Variants in SEPTIN10 observed in about 807,000 individuals in gnomAD.
SEPTIN10 encodes septin 10, also known as septin-10.
In SEPTIN10, 66 loss-of-function variants were observed where a neutral mutation model predicts 54.8. That is an observed-to-expected ratio of 1.21 (90% CI 0.99 to 1.48). The LOEUF is 1.48. SEPTIN10 is among the 40% of genes most tolerant of loss of function. SEPTIN10 has a pLI of 0.00. For synonymous variants in SEPTIN10, 161 were observed against 181.0 expected (o/e 0.89, Z 0.89); for missense variants, 620 against 545.6 (o/e 1.14, Z -1.36).
In SEPTIN10 at chr2:109,544,053, T is replaced by C. The variant is rs1680537711; in HGVS notation, c.*256A>G. The C allele has an allele frequency of 1.7e-6, 2 of 1,152,054 alleles. No individual in the cohort carries two copies. Among genetic ancestry groups the C allele is most frequent in the East Asian group, 2.6e-5 (1 of 38,956 alleles). The allele number at this position is 1,152,054 out of a possible 1,614,324, so 71.4% of individuals were successfully genotyped here. A position where few individuals can be genotyped will look rare whatever the true frequency, so the allele number is the denominator to read the frequency against. On this transcript the variant is annotated 3_prime_UTR_variant, in exon 11 of 11. Coordinates refer to ENST00000397712, the MANE Select transcript of SEPTIN10 (RefSeq NM_144710.5). ...TCCACTTGTGGGGTCAAGTCAGTGC[T>C]CAAAAAGATTCAGATTTTGAAGCTT...
rs1314242639 is a variant in SEPTIN10, at chr2:109,585,285, G to A, written c.254C>T (p.Thr85Ile). ...GTCTTCAAAATTAGTATTAAACAATGTGTCAATCAGTGTTGATTTTCCAAT... is the reference window on the plus strand; with the variant it reads ...GTCTTCAAAATTAGTATTAAACAATATGTCAATCAGTGTTGATTTTCCAAT... ...TGIGKSTLID[T>I]LFNTNFEDYE... Residue 85 changes from threonine (T) to isoleucine (I), a missense_variant, in exon 4 of 11, where the codon ACA becomes ATA. Physicochemically the swap from Thr to Ile is moderately conservative, Grantham distance 89. Transcript: ENST00000397712. The A allele has an allele frequency of 2.5e-6, 4 of 1,607,568 alleles. No homozygotes were observed. In the Admixed American group the frequency reaches 6.8e-5, roughly 27 times the overall value.
intron 2 of SEPTIN10, among the ~76,000 whole-genome samples, chr2:109,587,828 G>A (rs1012789301): frequency 2.0e-5 from 3 of 151,544 alleles, no homozygotes; most frequent in African/African-American, 7.3e-5. Flanking sequence ...CAGGAGAATC[G>A]CTTGAACCTG....
chr2:109,603,235 ATAT>A (rs1273420393), intron 1 of SEPTIN10, among the ~76,000 whole-genome samples: 22 of 151,810 alleles, frequency 1.4e-4, no homozygotes, highest in South Asian at 6.2e-4. Flanking sequence ...ATCATTATTA[ATAT>A]TATTATTTTT....
Position 109,564,494 on chromosome 2 carries a change from T to C in SEPTIN10, c.900A>G (p.Glu300=). 6.4e-7 allele frequency: 1 copy of C among 1,562,638 alleles called. No individual in the cohort carries two copies. Among genetic ancestry groups the C allele is most frequent in the African/African-American group, 1.3e-5 (1 of 74,168 alleles). ...ENHCDFVKLR[E]MLICTNMEDL... is the part of the protein sequence containing the mutation. ...CCTCCATATTTGTACAAATGAGCATTTCCCGCAGCTTTACAAAGTCACAGT... is the reference window on the plus strand; with the variant it reads ...CCTCCATATTTGTACAAATGAGCATCTCCCGCAGCTTTACAAAGTCACAGT... Residue 300 remains glutamate (E), a synonymous_variant, in exon 8 of 11, where the codon GAA becomes GAG. Coordinates refer to ENST00000397712, the MANE Select transcript of SEPTIN10 (RefSeq NM_144710.5).
At chr2:109,567,712 T>C in intron 6 of SEPTIN10, 103 bp downstream of exon 6, 1 of 1,172,900 alleles carries the variant, frequency 8.5e-7, no homozygotes, top group Non-Finnish European at 1.1e-6. Flanking sequence ...TTTGAAGTCT[T>C]TTTGGAAGAC....
At chr2:109,556,446 T>C (rs1684390294) in intron 8 of SEPTIN10, among the ~76,000 whole-genome samples, 1 of 152,004 alleles carries the variant, frequency 6.6e-6, no homozygotes. Context: ...AAACGCAGAG[T>C]AAGAAATACT....
chr2:109,561,839 T>C (rs1013908921), intron 8 of SEPTIN10, among the ~76,000 whole-genome samples: 1 of 152,168 alleles, frequency 6.6e-6, no homozygotes, highest in South Asian at 2.1e-4. Flanking sequence ...GTGGGTCCTA[T>C]GGACTTTAAT....
intron 1 of SEPTIN10, among the ~76,000 whole-genome samples, chr2:109,598,292 T>C (rs1277939139): frequency 6.6e-6 from 1 of 151,966 alleles, no homozygotes; most frequent in Non-Finnish European, 1.5e-5. Context: ...AGTCTCGAAC[T>C]CCCAACCTCA....
chr2:109,596,996 T>G (rs1219662773), intron 1 of SEPTIN10, among the ~76,000 whole-genome samples: 1 of 152,164 alleles, frequency 6.6e-6, no homozygotes, highest in Non-Finnish European at 1.5e-5. Flanking sequence ...CAAGCTGGAG[T>G]GCAGTGGCAT....
intron 1 of SEPTIN10, among the ~76,000 whole-genome samples, chr2:109,602,075 C>T (rs1266228570): frequency 6.6e-6 from 1 of 152,186 alleles, no homozygotes; most frequent in Non-Finnish European, 1.5e-5. Flanking sequence ...CTAGGAAGCA[C>T]TGAGCTCAGA....
At chr2:109,564,293 A>C (rs1288792500) in intron 8 of SEPTIN10, 73 bp downstream of exon 8, 1 of 1,337,330 alleles carries the variant, frequency 7.5e-7, no homozygotes, top group African/African-American at 1.5e-5. Flanking sequence ...ATGCCCCATC[A>C]TCCTGGATAT....
intron 1 of SEPTIN10, among the ~76,000 whole-genome samples, chr2:109,595,590 G>A (rs1166189136): frequency 6.6e-6 from 1 of 152,112 alleles, no homozygotes; most frequent in East Asian, 1.9e-4. Flanking sequence ...AGTCAAAGAA[G>A]AAAATGACTT....
chr2:109,610,443 G>A (rs1217410472), intron 1 of SEPTIN10, among the ~76,000 whole-genome samples: 2 of 152,170 alleles, frequency 1.3e-5, no homozygotes, highest in African/African-American at 4.8e-5. Flanking sequence ...GGCCGGGCAT[G>A]GTGGCTCACG....
intron 4 of SEPTIN10, among the ~76,000 whole-genome samples, chr2:109,579,240 C>T (rs980858861): frequency 7.2e-5 from 11 of 152,068 alleles, no homozygotes; most frequent in Admixed American, 5.2e-4. Flanking sequence ...AAAGTAAAAC[C>T]AACTCTGAAT....
intron 7 of SEPTIN10, among the ~76,000 whole-genome samples, chr2:109,565,400 C>A (rs1369843086): frequency 6.6e-6 from 1 of 152,146 alleles, no homozygotes; most frequent in East Asian, 1.9e-4. Flanking sequence ...AAATAGCCGG[C>A]AATACTTTGA....
Position 109,545,997 on chromosome 2 carries a change from G to A in SEPTIN10, c.1349+53C>T, listed in dbSNP as rs192314514. On this transcript the variant is annotated intron_variant, in intron 10 of 10. Transcript: ENST00000397712. ...AGAAGCGCTAGGAAGATCCGACAGG[G>A]CAATGTGACAAGTGTGGGCAGGGCT... The A allele has an allele frequency of 5.3e-5, 80 of 1,518,182 alleles. No individual in the cohort carries two copies. In the African/African-American group the frequency reaches 1.0e-3, roughly 19 times the overall value. 94.0% of individuals were successfully genotyped at this position (1,518,182 alleles called of 1,614,324 possible). A position where few individuals can be genotyped will look rare whatever the true frequency, so the allele number is the denominator to read the frequency against.
At chr2:109,568,067 A>G in intron 5 of SEPTIN10, 91 bp from the exon 6 acceptor site, 2 of 1,020,490 alleles carry the variant, frequency 2.0e-6, no homozygotes, top group South Asian at 1.7e-5. Context: ...TCATTCTGAC[A>G]ATGAATTTCC....
At chr2:109,569,697 T>C (rs1286046062) in intron 5 of SEPTIN10, among the ~76,000 whole-genome samples, 2 of 152,154 alleles carry the variant, frequency 1.3e-5, no homozygotes, top group Non-Finnish European at 2.9e-5. Context: ...TATACTTAGG[T>C]ATTCAACAAA....
intron 1 of SEPTIN10, 116 bp downstream of exon 1, chr2:109,613,682 G>T: frequency 1.5e-6 from 1 of 689,124 alleles, no homozygotes; most frequent in Non-Finnish European, 2.0e-6. Flanking sequence ...GGGCGGGGCC[G>T]GAGGGGGCGC....
Sources: gnomAD v4.1 joint callset for allele counts (sites outside exome capture counted in the v4.1 genomes callset) on GRCh38, gnomAD v4.1.1 for gene constraint, MANE v1.5 for transcripts, NCBI Gene and HGNC (gene_info 2026-07-23, HGNC 2026-07-21) for gene names.